Variants in TMPRSS15 observed in about 807,000 individuals in gnomAD.
TMPRSS15 encodes the protein transmembrane serine protease 15.
TMPRSS15 carries 128 observed loss-of-function variants against 125.3 expected under a neutral mutation model. The ratio of observed to expected loss-of-function variants is 1.02; its 90% CI spans 0.89 to 1.18. The LOEUF (loss-of-function observed/expected upper bound fraction) is 1.18. TMPRSS15 is among the 50% of genes most tolerant of loss of function. The pLI, the probability that TMPRSS15 is intolerant of heterozygous loss-of-function variation, is 0.00. For missense variants in TMPRSS15, 1,283 were observed against 1,212.7 expected (o/e 1.06, Z -0.86); for synonymous variants, 446 against 423.2 (o/e 1.05, Z -0.66).
chr21:18,381,119 T>C (rs2075889196), intron 4 of TMPRSS15, among the ~76,000 whole-genome samples: 1 of 152,144 alleles, frequency 6.6e-6, no homozygotes, highest in Non-Finnish European at 1.5e-5. Context: ...ATGCAAGATA[T>C]AAAGGAAATC....
At chr21:18,419,945 T>A (rs1383515895) in intron 1 of TMPRSS15, among the ~76,000 whole-genome samples, 1 of 152,202 alleles carries the variant, frequency 6.6e-6, no homozygotes, top group Non-Finnish European at 1.5e-5. Context: ...GAGTAACAGC[T>A]AATCAACAAC....
intron 1 of TMPRSS15, among the ~76,000 whole-genome samples, chr21:18,434,534 A>G (rs1385108764): frequency 6.6e-6 from 1 of 152,122 alleles, no homozygotes; most frequent in Non-Finnish European, 1.5e-5. Context: ...ATTTTTAAAA[A>G]TATCTATGTA....
chr21:18,389,547 CACTT>C (rs1320596962), intron 3 of TMPRSS15, among the ~76,000 whole-genome samples: 3 of 152,028 alleles, frequency 2.0e-5, no homozygotes, highest in Non-Finnish European at 4.4e-5. Context: ...GTGAATTTGC[CACTT>C]AGAGAAATAA....
rs367789078 is a variant in TMPRSS15 at position 18,272,891 on chromosome 21, T to C, written c.2904+2306A>G. 9.2e-5 allele frequency among the ~76,000 whole-genome samples: 14 copies of C among 152,136 alleles called. 1 individual carries two copies. Among genetic ancestry groups the C allele is most frequent in the Admixed American group, 7.2e-4 (11 of 15,266 alleles). The stretch of plus-strand genomic sequence containing the variant: ...TCAGTACCTTCTTTGAGTGTCTGAG[T>C]GCAAGGGTTGGTGACCATTTTTGTT... On this transcript the variant is annotated intron_variant, in intron 24 of 24. Transcript: ENST00000284885.
chr21:18,387,488 T>C (rs2075953995), intron 3 of TMPRSS15, among the ~76,000 whole-genome samples: 1 of 152,054 alleles, frequency 6.6e-6, no homozygotes, highest in South Asian at 2.1e-4. Flanking sequence ...AGTTCTTTAT[T>C]AAAATAATCA....
intron 1 of TMPRSS15, among the ~76,000 whole-genome samples, chr21:18,424,838 T>C (rs1384952607): frequency 2.0e-5 from 3 of 149,902 alleles, no homozygotes; most frequent in African/African-American, 5.0e-5. Context: ...GATGTAAATA[T>C]AGCAGTAGAA....
chr21:18,459,316 C>A (rs1978505218), intron 1 of TMPRSS15, among the ~76,000 whole-genome samples: 1 of 151,698 alleles, frequency 6.6e-6, no homozygotes, highest in Admixed American at 6.6e-5. Context: ...CTCTGTCGCC[C>A]AGTCTGGAGT....
At chr21:18,342,163 T>C (rs2075453841) in intron 12 of TMPRSS15, among the ~76,000 whole-genome samples, 1 of 152,188 alleles carries the variant, frequency 6.6e-6, no homozygotes, top group Admixed American at 6.5e-5. Flanking sequence ...AGAGGTAACA[T>C]ATTAGGTTCT....
intron 18 of TMPRSS15, among the ~76,000 whole-genome samples, chr21:18,309,006 G>C (rs2075066829): frequency 6.6e-6 from 1 of 152,142 alleles, no homozygotes; most frequent in South Asian, 2.1e-4. Context: ...TGGACATTTG[G>C]GTTGGTTTCA....
chr21:18,343,960 A>C lies in TMPRSS15; in HGVS notation c.1272T>G (p.Ser424Arg). Reference sequence around the variant, plus strand: ...AACAGGTGTCTACAACATACCAGAAACTAAGGCAAGCTGGCTCCAAAGTGG... The same window carrying C: ...AACAGGTGTCTACAACATACCAGAACCTAAGGCAAGCTGGCTCCAAAGTGG... Reference protein sequence around the residue: ...LDPTLEPACLSFWYHMYGENV... With the variant: ...LDPTLEPACLRFWYHMYGENV... The change falls in exon 11 of 25, where the codon AGT (serine) becomes AGG (arginine). Residue 424 changes from serine (S) to arginine (R), a missense_variant. By Grantham distance (110) the Ser-to-Arg change is moderately radical. Coordinates refer to ENST00000284885, the MANE Select transcript of TMPRSS15 (RefSeq NM_002772.3). The C allele has an allele frequency of 6.2e-7, 1 of 1,613,982 alleles. No homozygotes were observed. Among genetic ancestry groups the C allele is most frequent in the Non-Finnish European group, 8.5e-7 (1 of 1,179,912 alleles).
chr21:18,294,094 A>G (rs1431392948), intron 21 of TMPRSS15, among the ~76,000 whole-genome samples, 176 bp downstream of exon 21: 2 of 152,370 alleles, frequency 1.3e-5, no homozygotes, highest in African/African-American at 2.4e-5. Context: ...ATTTTTTAAA[A>G]TGTATCTCTA....
At chr21:18,298,804 T>C (rs1285726789) in intron 18 of TMPRSS15, among the ~76,000 whole-genome samples, 1 of 152,160 alleles carries the variant, frequency 6.6e-6, no homozygotes, top group Non-Finnish European at 1.5e-5. Flanking sequence ...GAAGCCCCAA[T>C]GTCTTCCCCA....
chr21:18,288,699 C>A (rs912063941), intron 21 of TMPRSS15, among the ~76,000 whole-genome samples: 6 of 151,758 alleles, frequency 4.0e-5, no homozygotes, highest in Non-Finnish European at 1.5e-5. Context: ...TGCTGCCACA[C>A]CTGGCTAATT....
intron 1 of TMPRSS15, among the ~76,000 whole-genome samples, chr21:18,465,254 C>A (rs1054654406): frequency 4.6e-5 from 7 of 152,104 alleles, no homozygotes; most frequent in Non-Finnish European, 1.0e-4. Flanking sequence ...ACTGATGGAA[C>A]GTATCTCAAA....
chr21:18,336,300 A>T (rs1444477792), intron 13 of TMPRSS15, among the ~76,000 whole-genome samples: 1 of 152,206 alleles, frequency 6.6e-6, no homozygotes, highest in South Asian at 2.1e-4. Context: ...GAATTAATAG[A>T]TGTAGCTTGA....
At chr21:18,389,842 T>C (rs1250962481) in intron 3 of TMPRSS15, among the ~76,000 whole-genome samples, 1 of 152,190 alleles carries the variant, frequency 6.6e-6, no homozygotes, top group Non-Finnish European at 1.5e-5. Context: ...ATACCAATTA[T>C]TTTGTCCTTA....
chr21:18,273,475 C>T (rs2074585305), intron 24 of TMPRSS15, among the ~76,000 whole-genome samples: 1 of 152,026 alleles, frequency 6.6e-6, no homozygotes, highest in Non-Finnish European at 1.5e-5. Flanking sequence ...AAGGTATTAC[C>T]TTATGTGGGA....
chr21:18,269,809 A>T lies in TMPRSS15; in HGVS notation c.*160T>A, dbSNP rs2074532155. ...TGCTATGGTGAATTTTATTATTTTTAAAATTTTGTTTCCCTGGCCCCCTAG... is the reference window on the plus strand; with the variant it reads ...TGCTATGGTGAATTTTATTATTTTTTAAATTTTGTTTCCCTGGCCCCCTAG... On this transcript the variant is annotated 3_prime_UTR_variant, in exon 25 of 25. Transcript: ENST00000284885. The T allele has an allele frequency of 1.4e-6, 1 of 740,634 alleles. No homozygotes were observed. Among genetic ancestry groups the T allele is most frequent in the Non-Finnish European group, 2.2e-6 (1 of 459,610 alleles). The allele number at this position is 740,634 out of a possible 1,614,324, so 45.9% of individuals were successfully genotyped here. A position where few individuals can be genotyped will look rare whatever the true frequency, so the allele number is the denominator to read the frequency against.
chr21:18,417,288 A>C (rs1818335298), intron 1 of TMPRSS15, among the ~76,000 whole-genome samples: 1 of 152,098 alleles, frequency 6.6e-6, no homozygotes, highest in Admixed American at 6.5e-5. Context: ...AGAAAGCAAC[A>C]ATTAACCATT....
Sources: allele counts gnomAD v4.1 joint callset (sites outside exome capture counted in the v4.1 genomes callset), GRCh38; gene constraint gnomAD v4.1.1; transcripts MANE v1.5; gene names NCBI Gene and HGNC (gene_info 2026-07-23, HGNC 2026-07-21).